The following WFS1 variants were observed in gnomAD, a reference collection of about 807,000 sequenced individuals.
WFS1 encodes wolframin ER transmembrane glycoprotein, also known as wolframin.
A neutral mutation model predicts 68.5 loss-of-function variants in WFS1; 90 were observed. The observed-to-expected ratio is 1.31, with a 90% confidence interval of 1.11 to 1.56. The LOEUF (loss-of-function observed/expected upper bound fraction) is 1.56, where lower values mean the gene tolerates loss of function less well. Ranked by LOEUF, WFS1 falls within the 40% of genes most tolerant of loss-of-function variation. The pLI is 0.00. For missense variants in WFS1, 1,767 were observed against 1,232.6 expected, an observed-to-expected ratio of 1.43 and a Z score of -6.49; for synonymous variants, 860 against 540.7, an observed-to-expected ratio of 1.59 and a Z score of -8.19.
At position 6,283,223 on chromosome 4, in the gene WFS1, T is replaced by A. The variant is rs116318344; in HGVS notation, c.233-3870T>A. Among the ~76,000 whole-genome samples, 720 of 152,262 alleles carry A rather than the reference T, an allele frequency of 4.7e-3. 10 individuals carry two copies. Among genetic ancestry groups the A allele is most frequent in the African/African-American group, 0.015 (627 of 41,552 alleles). Reference sequence around the variant, plus strand: ...TGCATGACAAATAATTAAAAAGATGTAGGGTGTTCTCCATAGAACCTCACA... The same window carrying A: ...TGCATGACAAATAATTAAAAAGATGAAGGGTGTTCTCCATAGAACCTCACA... On this transcript the variant is annotated intron_variant, in intron 2 of 7. Coordinates refer to ENST00000226760, the MANE Select transcript of WFS1 (RefSeq NM_006005.3). This position sits in a 1 kb window ranked among gnomAD's most constrained non-coding sequence, Gnocchi z 5.0.
intron 7 of WFS1, among the ~76,000 whole-genome samples, chr4:6,297,850 T>C (rs1730678987): frequency 6.6e-6 from 1 of 152,196 alleles, no homozygotes; most frequent in African/African-American, 2.4e-5. Context: ...GTCTTGGGTG[T>C]ACATTGCAGG....
chr4:6,275,594 T>A (rs1488402908), intron 1 of WFS1, among the ~76,000 whole-genome samples: 1 of 1,744 alleles, frequency 5.7e-4, no homozygotes, highest in Non-Finnish European at 1.4e-3. Flanking sequence ...TGCACGGGGG[T>A]GGGGTGGGGG....
chr4:6,271,285 C>G (rs948724314), intron 1 of WFS1, among the ~76,000 whole-genome samples: 1 of 152,216 alleles, frequency 6.6e-6, no homozygotes, highest in Non-Finnish European at 1.5e-5. Flanking sequence ...CTGGTTTGTC[C>G]TCCCTTCGCA....
chr4:6,276,814 G>C (rs989137217), intron 1 of WFS1, among the ~76,000 whole-genome samples: 4 of 152,240 alleles, frequency 2.6e-5, no homozygotes, highest in African/African-American at 9.6e-5. Context: ...CCCTCCTGGA[G>C]GCTCTGAGGG....
chr4:6,276,336 T>C (rs1729994079), intron 1 of WFS1, among the ~76,000 whole-genome samples: 1 of 152,160 alleles, frequency 6.6e-6, no homozygotes, highest in African/African-American at 2.4e-5. Context: ...TGGTGGTGTT[T>C]TTCCATGTTG....
At chr4:6,280,529 T>C (rs966062259) in intron 2 of WFS1, among the ~76,000 whole-genome samples, 2 of 152,118 alleles carry the variant, frequency 1.3e-5, no homozygotes, top group Non-Finnish European at 2.9e-5. Context: ...GTCCACGCCC[T>C]GGCAGAGAGC....
chr4:6,294,946 G>C (rs1578600784), intron 6 of WFS1, 95 bp from the exon 7 acceptor site: 2 of 1,596,300 alleles, frequency 1.3e-6, no homozygotes, highest in Non-Finnish European at 1.7e-6. Flanking sequence ...TTCTTAGCTT[G>C]GCCCCACGCC....
chr4:6,276,385 GC>G (rs1253671596), intron 1 of WFS1, among the ~76,000 whole-genome samples: 1 of 152,190 alleles, frequency 6.6e-6, no homozygotes, highest in Non-Finnish European at 1.5e-5. Context: ...ATAAAATAAA[GC>G]CCTTGCTCCG....
At chr4:6,292,129 G>A (rs1209475077) in intron 6 of WFS1, 132 bp downstream of exon 6, 34 of 897,208 alleles carry the variant, frequency 3.8e-5, no homozygotes, top group South Asian at 3.3e-4. Flanking sequence ...CCTGCAGGGC[G>A]ACCTCTCCTT....
intron 1 of WFS1, among the ~76,000 whole-genome samples, chr4:6,276,926 C>T (rs765123788): frequency 6.6e-6 from 1 of 152,232 alleles, no homozygotes; most frequent in Non-Finnish European, 1.5e-5. Context: ...TTACACTTCT[C>T]TTCCTATAGG....
chr4:6,295,181 C>T lies in WFS1; in HGVS notation c.853C>T (p.Arg285Cys), dbSNP rs1234980825. The T allele has an allele frequency of 1.2e-5, 20 of 1,611,646 alleles. No homozygotes were observed. Among genetic ancestry groups the T allele is most frequent in the Middle Eastern group, 2.0e-4 (1 of 5,112 alleles). Residue 285 changes from arginine (R) to cysteine (C), a missense_variant, in exon 7 of 8, where the codon CGT (arginine) becomes TGT (cysteine). Transcript: ENST00000226760. ...AGKSPEDLPL[R>C]LKVVKYPLHA... Reference sequence around the variant, plus strand: ...GAAGAGCCCTGAGGACCTGCCACTGCGTCTGAAGGTGAGTGACCAAGACCC... The same window carrying T: ...GAAGAGCCCTGAGGACCTGCCACTGTGTCTGAAGGTGAGTGACCAAGACCC...
chr4:6,302,722 T>A lies in WFS1; in HGVS notation c.*254T>A. ...CCACCCTGAGCCTGACCTTTCTGAG[T>A]GACATGGGTGTGCCAGGCTAGACTA... On this transcript the variant is annotated 3_prime_UTR_variant, in exon 8 of 8. Coordinates refer to ENST00000226760, the MANE Select transcript of WFS1 (RefSeq NM_006005.3). 2 of 595,594 alleles carry A rather than the reference T, an allele frequency of 3.4e-6. No homozygotes were observed. Among genetic ancestry groups the A allele is most frequent in the East Asian group, 2.9e-5 (1 of 34,450 alleles). 36.9% of individuals were successfully genotyped at this position (595,594 alleles called of 1,614,324 possible).
At chr4:6,285,195 A>AGGGAGAGTTACGTCCG (rs1730279599) in intron 2 of WFS1, among the ~76,000 whole-genome samples, 1 of 151,878 alleles carries the variant, frequency 6.6e-6, no homozygotes, top group African/African-American at 2.4e-5. Context: ...AGTTACGTCC[A>AGGGAGAGTTACGTCCG]GGGAGAGGGG....
chr4:6,297,132 A>G (rs1348208965), intron 7 of WFS1, among the ~76,000 whole-genome samples: 1 of 152,306 alleles, frequency 6.6e-6, no homozygotes, highest in East Asian at 1.9e-4. Flanking sequence ...CCAGCCTGAA[A>G]GTCCTTTTTA....
chr4:6,301,372 G>A lies in WFS1; in HGVS notation c.1577G>A (p.Gly526Asp), dbSNP rs765158733. 6.2e-7 allele frequency: 1 copy of A among 1,612,434 alleles called. No individual in the cohort carries two copies. The highest frequency in any genetic ancestry group is 2.2e-5 in the East Asian group (1 of 44,886). Residue 526 changes from glycine to aspartate, a missense_variant, in exon 8 of 8, where the codon GGC (glycine) becomes GAC (aspartate). Transcript: ENST00000226760. ...FRMAQLRNFK[G>D]TYCYLVPYLV... Reference sequence around the variant, plus strand: ...ATGGCACAGCTGAGGAATTTCAAGGGCACCTACTGCTACCTTGTGCCCTAC... The same window carrying A: ...ATGGCACAGCTGAGGAATTTCAAGGACACCTACTGCTACCTTGTGCCCTAC...
Position 6,287,168 on chromosome 4 carries a change from A to G in WFS1, c.308A>G (p.Gln103Arg). ...ERAKAGDPKA[Q>R]TEVGKHYLQL... ...GCCAAGGCCGGGGACCCCAAGGCAC[A>G]GACTGAGGTGAGGACTGCGGTGCCG... The change falls in exon 3 of 8, where the codon CAG (glutamine) becomes CGG (arginine). Residue 103 changes from glutamine to arginine, a missense_variant. By Grantham distance (43) the Gln-to-Arg change is conservative. Coordinates refer to ENST00000226760, the MANE Select transcript of WFS1 (RefSeq NM_006005.3). The surrounding 1 kb of genome is among the most constrained non-coding windows in gnomAD (Gnocchi z 6.4). 1 of 1,558,706 alleles carries G rather than the reference A, an allele frequency of 6.4e-7. No homozygotes were observed. The highest frequency in any genetic ancestry group is 1.2e-5 in the South Asian group (1 of 84,642).
intron 1 of WFS1, among the ~76,000 whole-genome samples, chr4:6,275,594 TGGGGTGGGG>T (rs1729969543): frequency 5.7e-4 from 1 of 1,740 alleles, no homozygotes; most frequent in Non-Finnish European, 1.4e-3. Flanking sequence ...TGCACGGGGG[TGGGGTGGGG>T]GGGGGGGGTG....
In WFS1 at chr4:6,301,449, A is replaced by G; in HGVS notation, c.1654A>G (p.Thr552Ala). The change falls in exon 8 of 8, where the codon ACC becomes GCC. Residue 552 changes from threonine (T) to alanine (A), a missense_variant. Physicochemically the swap from Thr to Ala is moderately conservative, Grantham distance 58 (BLOSUM62 0). Coordinates refer to ENST00000226760, the MANE Select transcript of WFS1 (RefSeq NM_006005.3). ...ELSVVILLES[T>A]GLGLLRASIG... is the part of the protein sequence containing the mutation. ...CTCCGTGGTCATCCTGCTGGAGTCC[A>G]CCGGCCTGGGGCTGCTCCGCGCCTC... 6.2e-7 allele frequency: 1 copy of G among 1,612,430 alleles called. No homozygotes were observed. Among genetic ancestry groups the G allele is most frequent in the Non-Finnish European group, 8.5e-7 (1 of 1,180,020 alleles).
At chr4:6,298,512 G>A (rs1730709531) in intron 7 of WFS1, among the ~76,000 whole-genome samples, 1 of 149,884 alleles carries the variant, frequency 6.7e-6, no homozygotes, top group South Asian at 2.1e-4. Flanking sequence ...GAGATTAAGT[G>A]GACTGTCACA....
Sources: gnomAD v4.1 joint callset for allele counts (sites outside exome capture counted in the v4.1 genomes callset) on GRCh38, gnomAD v4.1.1 for gene constraint, Gnocchi (gnomAD v3.1) non-coding constraint, MANE v1.5 for transcripts, NCBI Gene and HGNC (gene_info 2026-07-23, HGNC 2026-07-21) for gene names.